PTPRK: variants seen among roughly 807,000 people sequenced by gnomAD.
The protein encoded by PTPRK is receptor-type tyrosine-protein phosphatase kappa.
A neutral mutation model predicts 178.0 loss-of-function variants in PTPRK; 75 were observed. The observed-to-expected ratio is 0.42, with a 90% CI of 0.35 to 0.51. The LOEUF (loss-of-function observed/expected upper bound fraction) is 0.51. Among genes scored for constraint, PTPRK ranks in the 20% least tolerant of loss-of-function variants. PTPRK has a pLI of 0.02. For missense variants in PTPRK, 1,441 were observed against 1,797.8 expected (o/e 0.80, Z 3.59); for synonymous variants, 637 against 620.6 (o/e 1.03, Z -0.39).
chr6:128,489,941 C>A (rs1425779297), intron 1 of PTPRK, among the ~76,000 whole-genome samples: 1 of 152,206 alleles, frequency 6.6e-6, no homozygotes, highest in East Asian at 1.9e-4. Flanking sequence ...ACAACTGTAT[C>A]ATTTCTTCAG....
chr6:128,514,410 A>C (rs1043432296), intron 1 of PTPRK, among the ~76,000 whole-genome samples: 4 of 147,628 alleles, frequency 2.7e-5, no homozygotes, highest in Non-Finnish European at 6.1e-5. Context: ...GTATTCACAC[A>C]GAGGACTACA....
chr6:128,380,143 T>A (rs1837667680), intron 2 of PTPRK, among the ~76,000 whole-genome samples: 1 of 152,018 alleles, frequency 6.6e-6, no homozygotes, highest in African/African-American at 2.4e-5. Context: ...AAAAAAGATG[T>A]GTTCATCAAT....
chr6:128,278,523 G>A (rs527457637), intron 3 of PTPRK, among the ~76,000 whole-genome samples: 7 of 152,168 alleles, frequency 4.6e-5, no homozygotes, highest in African/African-American at 1.4e-4. Context: ...TTATGGGCAA[G>A]GTGCAGAAAT....
chr6:128,281,968 G>A (rs920253752), intron 3 of PTPRK, among the ~76,000 whole-genome samples: 2 of 152,092 alleles, frequency 1.3e-5, no homozygotes, highest in African/African-American at 4.8e-5. Flanking sequence ...AGAGAGAAAA[G>A]CAACATGGAC....
chr6:128,510,769 T>G (rs895254821), intron 1 of PTPRK, among the ~76,000 whole-genome samples: 1 of 152,090 alleles, frequency 6.6e-6, no homozygotes, highest in African/African-American at 2.4e-5. Context: ...GTCAGGTTTA[T>G]ATTTGGAAAT....
At chr6:128,042,580 A>G (rs1217372071) in intron 13 of PTPRK, among the ~76,000 whole-genome samples, 2 of 152,016 alleles carry the variant, frequency 1.3e-5, no homozygotes, top group Admixed American at 1.3e-4. Flanking sequence ...CCTCACATGT[A>G]TCAGCACTCT....
chr6:128,201,259 A>C (rs1415226223), intron 6 of PTPRK, among the ~76,000 whole-genome samples: 1 of 152,224 alleles, frequency 6.6e-6, no homozygotes, highest in African/African-American at 2.4e-5. Flanking sequence ...CATAAAATCC[A>C]AGAAAAATGT....
intron 1 of PTPRK, among the ~76,000 whole-genome samples, chr6:128,414,344 C>T (rs756421704): frequency 8.5e-5 from 13 of 152,176 alleles, no homozygotes; most frequent in African/African-American, 2.7e-4. Context: ...GCGTCTCCAT[C>T]GCGGGACCCC....
At chr6:128,183,856 T>A (rs933923327) in intron 7 of PTPRK, among the ~76,000 whole-genome samples, 6 of 152,158 alleles carry the variant, frequency 3.9e-5, no homozygotes, top group Admixed American at 2.6e-4. Flanking sequence ...GTTTTAGTCA[T>A]GAGGAAGGCA....
At chr6:128,308,503 C>T (rs72967058) in intron 3 of PTPRK, among the ~76,000 whole-genome samples, 10,744 of 151,332 alleles carry the variant, frequency 0.071, 426 homozygotes, top group African/African-American at 0.084. Flanking sequence ...AAAGAAAAAA[C>T]GATCAAAAAA....
intron 1 of PTPRK, among the ~76,000 whole-genome samples, chr6:128,498,781 A>T (rs1855109385): frequency 6.6e-6 from 1 of 152,228 alleles, no homozygotes; most frequent in African/African-American, 2.4e-5. Flanking sequence ...ATAGATAAAT[A>T]GAATGAATGG....
intron 2 of PTPRK, among the ~76,000 whole-genome samples, chr6:128,372,608 G>A (rs1273037318): frequency 6.6e-6 from 1 of 152,088 alleles, no homozygotes; most frequent in Non-Finnish European, 1.5e-5. Context: ...ACCTGTAGTT[G>A]GTCTTTCCTA....
chr6:128,499,589 G>C (rs1855246667), intron 1 of PTPRK, among the ~76,000 whole-genome samples: 1 of 152,142 alleles, frequency 6.6e-6, no homozygotes, highest in Admixed American at 6.6e-5. Context: ...ATAGTTAAGA[G>C]AAAAAACTTG....
At chr6:128,083,593 G>C in intron 9 of PTPRK, 122 bp downstream of exon 9, 1 of 451,114 alleles carries the variant, frequency 2.2e-6, no homozygotes, top group Non-Finnish European at 3.9e-6. Flanking sequence ...AAACAAAGGA[G>C]AATGATTTTA....
intron 3 of PTPRK, among the ~76,000 whole-genome samples, chr6:128,250,002 T>C (rs1816202066): frequency 6.6e-6 from 1 of 152,180 alleles, no homozygotes; most frequent in Non-Finnish European, 1.5e-5. Context: ...CATCCTGTTC[T>C]CATGGTAGTG....
Position 128,089,769 on chromosome 6 carries a change from A to C in PTPRK, c.1386T>G (p.Asn462Lys). 6.2e-7 allele frequency: 1 copy of C among 1,613,416 alleles called. No homozygotes were observed. The highest frequency in any genetic ancestry group is 1.1e-5 in the South Asian group (1 of 91,068). The change falls in exon 8 of 30, where the codon AAT (asparagine) becomes AAG (lysine). Residue 462 changes from asparagine to lysine, a missense_variant. Asn to Lys is a moderately conservative substitution (Grantham distance 94). Coordinates refer to ENST00000368226, the MANE Select transcript of PTPRK (RefSeq NM_002844.4). ...TGGTTAGGATCATCTTGAGGCTGAC[A>C]TTTGTATAAGGTGGCAGATGGTTCA... ...HVVNHLPPYT[N>K]VSLKMILTNP...
chr6:128,486,914 G>C (rs1288861454), intron 1 of PTPRK, among the ~76,000 whole-genome samples: 1 of 151,720 alleles, frequency 6.6e-6, no homozygotes, highest in Non-Finnish European at 1.5e-5. Flanking sequence ...AATTGACATA[G>C]ATATCACTTT....
At chr6:128,377,082 A>G (rs1481940244) in intron 2 of PTPRK, among the ~76,000 whole-genome samples, 1 of 152,156 alleles carries the variant, frequency 6.6e-6, no homozygotes, top group Non-Finnish European at 1.5e-5. Context: ...TCTGCCTGTT[A>G]CCCAGTTCCA....
chr6:128,464,955 GT>G (rs899134636), intron 1 of PTPRK, among the ~76,000 whole-genome samples: 52 of 151,222 alleles, frequency 3.4e-4, no homozygotes, highest in Admixed American at 9.9e-4. Flanking sequence ...TCTCTCCCGG[GT>G]TTGTTTTTTG....
Sources: gnomAD v4.1 joint callset for allele counts (sites outside exome capture counted in the v4.1 genomes callset) on GRCh38, gnomAD v4.1.1 for gene constraint, MANE v1.5 for transcripts, NCBI Gene and HGNC (gene_info 2026-07-23, HGNC 2026-07-21) for gene names.